DIAPH2: variants seen among roughly 807,000 people sequenced by gnomAD.
DIAPH2 encodes the protein diaphanous related formin 2.
Under a neutral mutation model 92.7 loss-of-function variants are expected in DIAPH2, and 35 were observed. The observed-to-expected ratio is 0.38, with a 90% CI of 0.29 to 0.50. DIAPH2 has a LOEUF of 0.50. Among genes scored for constraint, DIAPH2 ranks in the 20% least tolerant of loss-of-function variants. The pLI is 0.94. For synonymous variants in DIAPH2, 301 were observed against 280.4 expected, an observed-to-expected ratio of 1.07 and a Z score of -0.73; for missense variants, 701 against 819.5, an observed-to-expected ratio of 0.86 and a Z score of 1.77.
At chrX:97,065,767 A>G (rs1354622387) in intron 17 of DIAPH2, among the ~76,000 whole-genome samples, 2 of 111,283 alleles carry the variant, frequency 1.8e-5, no homozygotes, top group African/African-American at 6.5e-5. Flanking sequence ...TGACAGCTCC[A>G]TGTGTGTTAT....
At chrX:96,858,395 TGTG>T (rs995106524) in intron 4 of DIAPH2, among the ~76,000 whole-genome samples, 1 of 111,791 alleles carries the variant, frequency 8.9e-6, no homozygotes, top group Non-Finnish European at 1.9e-5. Flanking sequence ...CTCAAACAGA[TGTG>T]GTGAAATGGC....
intron 24 of DIAPH2, among the ~76,000 whole-genome samples, chrX:97,373,734 A>G (rs1256343532): frequency 9.4e-6 from 1 of 106,638 alleles, no homozygotes; most frequent in Non-Finnish European, 1.9e-5. Flanking sequence ...AGCCTCCCGA[A>G]CAGCTGGGAT....
At chrX:97,110,423 G>T (rs1425642447) in intron 20 of DIAPH2, among the ~76,000 whole-genome samples, 1 of 111,465 alleles carries the variant, frequency 9.0e-6, no homozygotes, top group African/African-American at 3.3e-5. Context: ...TATCATGGAG[G>T]TATCATTTTA....
intron 21 of DIAPH2, among the ~76,000 whole-genome samples, chrX:97,139,007 ATTTC>A (rs1341735162): frequency 1.3e-4 from 14 of 111,658 alleles, no homozygotes; most frequent in Non-Finnish European, 5.7e-5. Context: ...AATCAATTCT[ATTTC>A]TTAATAAACT....
At chrX:97,223,907 T>G (rs1281903108) in intron 22 of DIAPH2, among the ~76,000 whole-genome samples, 2 of 111,509 alleles carry the variant, frequency 1.8e-5, no homozygotes, top group Non-Finnish European at 3.8e-5. Flanking sequence ...TTGTTTACTG[T>G]TTTTTTAGTT....
chrX:97,584,028 T>C (rs1466963761), intron 26 of DIAPH2, among the ~76,000 whole-genome samples: 7 of 112,510 alleles, frequency 6.2e-5, no homozygotes, highest in Admixed American at 9.3e-5. Context: ...CGCCCTGCTT[T>C]GGCTCGCGCA....
At chrX:97,399,298 A>G (rs1220310174) in intron 25 of DIAPH2, among the ~76,000 whole-genome samples, 2 of 111,608 alleles carry the variant, frequency 1.8e-5, no homozygotes, top group Non-Finnish European at 3.8e-5. Flanking sequence ...CAGATATGGT[A>G]GGGAAAGGAA....
At chrX:97,429,573 A>G (rs2070105481) in intron 25 of DIAPH2, 77 bp from the exon 26 acceptor site, 2 of 1,138,714 alleles carry the variant, frequency 1.8e-6, no homozygotes, top group Non-Finnish European at 2.3e-6. Flanking sequence ...TAAATCTGAC[A>G]GGAGTTTTTC....
intron 9 of DIAPH2, among the ~76,000 whole-genome samples, chrX:96,929,082 T>A (rs192328966): frequency 4.4e-4 from 49 of 111,592 alleles, no homozygotes; most frequent in African/African-American, 1.5e-3. Context: ...TGGCAACTTT[T>A]CTCTCTATTA....
intron 20 of DIAPH2, among the ~76,000 whole-genome samples, chrX:97,100,494 AAAAAAC>A (rs1480677703): frequency 1.8e-5 from 2 of 111,754 alleles, no homozygotes; most frequent in African/African-American, 6.5e-5. Flanking sequence ...AATAGTTGAC[AAAAAAC>A]AAAAACAAAA....
Position 96,738,638 on chromosome X carries a change from T to A in DIAPH2, c.218T>A (p.Leu73His). ...RKSTVKKEKP[L>H]IQHPIDSQVA... ...TCTACTGTCAAAAAAGAAAAACCTC[T>A]TATTCAACATCCTATTGATTCTCAA... The change falls in exon 3 of 27, where the codon CTT (leucine) becomes CAT (histidine). Residue 73 changes from leucine (L) to histidine (H), a missense_variant. By Grantham distance (99) the Leu-to-His change is moderately conservative (BLOSUM62 -3). Around this residue, in one of 3 missense-constraint regions of DIAPH2, gnomAD observed 131 missense variants for 145.6 expected, o/e 0.90. Transcript: ENST00000324765. 8.3e-7 allele frequency: 1 copy of A among 1,206,434 alleles called. No homozygotes were observed. The highest frequency in any genetic ancestry group is 1.8e-5 in the South Asian group (1 of 55,636).
At chrX:97,328,770 A>G (rs2068972872) in intron 23 of DIAPH2, among the ~76,000 whole-genome samples, 1 of 111,614 alleles carries the variant, frequency 9.0e-6, no homozygotes, top group Admixed American at 9.6e-5. Flanking sequence ...AATGAGCTCT[A>G]ATATATATAC....
intron 1 of DIAPH2, among the ~76,000 whole-genome samples, chrX:96,722,484 C>T (rs1276332391): frequency 9.0e-6 from 1 of 111,192 alleles, no homozygotes; most frequent in African/African-American, 3.3e-5. Flanking sequence ...TGTCTAGCTG[C>T]AGCAGTGTAG....
chrX:96,912,063 A>G lies in DIAPH2; in HGVS notation c.588-265A>G, dbSNP rs112814799. On this transcript the variant is annotated intron_variant, in intron 5 of 26. Coordinates refer to ENST00000324765, the MANE Select transcript of DIAPH2 (RefSeq NM_006729.5). ...GAAGATGAATTCAGCTTGTGAATTC[A>G]TGCTTAAGTATGTCATGCTGGTGAA... Among the ~76,000 whole-genome samples, 197 of 111,463 alleles carry G rather than the reference A, an allele frequency of 1.8e-3. 1 individual carries two copies. The highest frequency in any genetic ancestry group is 5.9e-3 in the African/African-American group (180 of 30,665).
chrX:96,943,370 T>A (rs2065718152), intron 13 of DIAPH2, among the ~76,000 whole-genome samples: 1 of 111,397 alleles, frequency 9.0e-6, no homozygotes, highest in Admixed American at 9.6e-5. Flanking sequence ...AGGATTGATT[T>A]CTGTAAGTGA....
At chrX:97,185,505 A>G (rs1441378158) in intron 22 of DIAPH2, among the ~76,000 whole-genome samples, 1 of 60,073 alleles carries the variant, frequency 1.7e-5, no homozygotes, top group African/African-American at 6.3e-5. Flanking sequence ...ATATATATAT[A>G]TATATATATA....
chrX:97,197,926 G>T (rs2067716382), intron 22 of DIAPH2, among the ~76,000 whole-genome samples: 2 of 111,401 alleles, frequency 1.8e-5, no homozygotes, highest in African/African-American at 6.5e-5. Flanking sequence ...CCCCAGCCTT[G>T]TGTATTTCCA....
chrX:96,957,527 T>G (rs934712735), intron 15 of DIAPH2, among the ~76,000 whole-genome samples: 16 of 111,114 alleles, frequency 1.4e-4, no homozygotes, highest in African/African-American at 4.9e-4. Context: ...ATGATCACGA[T>G]TTGGGTGGGA....
At chrX:96,980,998 CAAAAAAAAAAA>C (rs1204120424) in intron 17 of DIAPH2, among the ~76,000 whole-genome samples, 2 of 45,529 alleles carry the variant, frequency 4.4e-5, no homozygotes, top group African/African-American at 1.9e-4. Flanking sequence ...CCATCTCTAC[CAAAAAAAAAAA>C]AAAAAAAAAA....
Sources: gnomAD v4.1 joint callset for allele counts (sites outside exome capture counted in the v4.1 genomes callset) on GRCh38, gnomAD v4.1.1 for gene constraint, gnomAD v4.1.1 regional missense constraint, MANE v1.5 for transcripts, NCBI Gene and HGNC (gene_info 2026-07-23, HGNC 2026-07-21) for gene names.